SLC4A4: variants seen among roughly 807,000 people sequenced by gnomAD.
SLC4A4 encodes electrogenic sodium bicarbonate cotransporter 1.
SLC4A4 carries 27 observed loss-of-function variants against 111.5 expected under a neutral mutation model. That is an observed-to-expected ratio of 0.24 (90% CI 0.18 to 0.33). The LOEUF (loss-of-function observed/expected upper bound fraction) is 0.33. SLC4A4 is among the 10% of genes least tolerant of loss of function. The pLI, the probability that SLC4A4 is intolerant of heterozygous loss-of-function variation, is 1.00. For synonymous variants in SLC4A4, 443 were observed against 463.4 expected (o/e 0.96, Z 0.57); for missense variants, 909 against 1,315.5 (o/e 0.69, Z 4.78).
At chr4:71,530,909 A>C (rs1733856722) in intron 16 of SLC4A4, among the ~76,000 whole-genome samples, 1 of 152,100 alleles carries the variant, frequency 6.6e-6, no homozygotes, top group Non-Finnish European at 1.5e-5. Flanking sequence ...CTGACTGCTC[A>C]CCCTGAGATA....
At chr4:71,537,459 A>G (rs1016171490) in intron 18 of SLC4A4, among the ~76,000 whole-genome samples, 1 of 150,292 alleles carries the variant, frequency 6.7e-6, no homozygotes, top group Admixed American at 6.7e-5. Flanking sequence ...ATAGAGAGAG[A>G]GAGAAAGAGA....
intron 1 of SLC4A4, among the ~76,000 whole-genome samples, chr4:71,227,865 C>A (rs544218585): frequency 6.6e-6 from 1 of 152,258 alleles, no homozygotes; most frequent in East Asian, 1.9e-4. Context: ...TTTTTCCTGT[C>A]TGTAACGGTA....
chr4:71,544,558 A>G (rs995954875), intron 18 of SLC4A4, among the ~76,000 whole-genome samples: 3 of 152,050 alleles, frequency 2.0e-5, no homozygotes, highest in Non-Finnish European at 4.4e-5. Flanking sequence ...GTATAGCCAG[A>G]ACCCAACCGC....
At chr4:71,353,464 A>G (rs547307976) in intron 5 of SLC4A4, among the ~76,000 whole-genome samples, 2 of 152,270 alleles carry the variant, frequency 1.3e-5, no homozygotes, top group East Asian at 1.9e-4. Flanking sequence ...AAAGAGTGTC[A>G]CTAGCTAAAA....
intron 3 of SLC4A4, among the ~76,000 whole-genome samples, chr4:71,298,940 G>T (rs1725009313): frequency 6.6e-6 from 1 of 152,068 alleles, no homozygotes; most frequent in South Asian, 2.1e-4. Context: ...GTTCTCTAGG[G>T]TTCAACTTTA....
chr4:71,299,046 C>T (rs1578782855), intron 3 of SLC4A4, among the ~76,000 whole-genome samples: 1 of 152,304 alleles, frequency 6.6e-6, no homozygotes, highest in East Asian at 1.9e-4. Flanking sequence ...TCTAGGTGTT[C>T]ATAATGTGAG....
chr4:71,497,453 TTA>T (rs764262368), intron 15 of SLC4A4, 46 bp from the exon 16 acceptor site: 6 of 1,504,342 alleles, frequency 4.0e-6, no homozygotes, highest in African/African-American at 2.8e-5. Context: ...AGGCTGCTTT[TTA>T]TATGTCAATG....
chr4:71,266,000 A>G (rs2149074039), intron 3 of SLC4A4, among the ~76,000 whole-genome samples: 1 of 152,310 alleles, frequency 6.6e-6, no homozygotes, highest in East Asian at 1.9e-4. Flanking sequence ...AAAGTATAAA[A>G]TTCAGTTTAT....
intron 2 of SLC4A4, among the ~76,000 whole-genome samples, chr4:71,169,072 G>A (rs1047644866): frequency 2.0e-5 from 3 of 151,938 alleles, no homozygotes; most frequent in African/African-American, 7.3e-5. Context: ...CGGCTGGAGT[G>A]CAATGGCACA....
chr4:71,531,575 A>G (rs996255745), intron 16 of SLC4A4, among the ~76,000 whole-genome samples: 2 of 152,002 alleles, frequency 1.3e-5, no homozygotes, highest in Non-Finnish European at 2.9e-5. Context: ...TATGAGATTT[A>G]TCTTACTCTG....
intron 1 of SLC4A4, among the ~76,000 whole-genome samples, chr4:71,223,629 C>T (rs1718881383): frequency 6.6e-6 from 1 of 152,122 alleles, no homozygotes; most frequent in South Asian, 2.1e-4. Context: ...AAGATGCTTG[C>T]ATGTGGGCCT....
chr4:71,352,066 T>G lies in SLC4A4; in HGVS notation c.550+1994T>G, dbSNP rs73826278. Among the ~76,000 whole-genome samples the G allele has an allele frequency of 8.0e-3, 1,211 of 152,214 alleles. 17 individuals carry two copies. Among genetic ancestry groups the G allele is most frequent in the African/African-American group, 0.026 (1,066 of 41,542 alleles). The stretch of plus-strand genomic sequence containing the variant: ...AAAAACAGAAGCAAGCAGAAAGAAT[T>G]ATTTTCTGGGCCATCTGTTCCATTG... On this transcript the variant is annotated intron_variant, in intron 5 of 25. Transcript: ENST00000264485.
chr4:71,468,966 A>G (rs899221574), intron 13 of SLC4A4, among the ~76,000 whole-genome samples: 1 of 152,006 alleles, frequency 6.6e-6, no homozygotes, highest in Admixed American at 6.6e-5. Flanking sequence ...CTGCATAATC[A>G]TGGATTTATT....
At position 71,535,303 on chromosome 4, in the gene SLC4A4, GA is replaced by G. The variant is rs556613577; in HGVS notation, c.2442+917del. Among the ~76,000 whole-genome samples the G allele has an allele frequency of 1.2e-4, 18 of 152,234 alleles. No individual in the cohort carries two copies. In the South Asian group the frequency reaches 3.7e-3, roughly 32 times the overall value. On this transcript the variant is annotated intron_variant, in intron 18 of 25. Coordinates refer to ENST00000264485, the MANE Select transcript of SLC4A4 (RefSeq NM_001098484.3). The stretch of plus-strand genomic sequence containing the variant: ...AGGAAAAATATTCAGGAAATATAAA[GA>G]ATTGGCTGACTACAGAAACCCATTG...
intron 3 of SLC4A4, among the ~76,000 whole-genome samples, chr4:71,330,960 G>A (rs1727930505): frequency 6.6e-6 from 1 of 152,134 alleles, no homozygotes; most frequent in Non-Finnish European, 1.5e-5. Context: ...CATTTATGCA[G>A]CCAACAGGCA....
At chr4:71,215,162 T>C (rs368137157) in intron 1 of SLC4A4, among the ~76,000 whole-genome samples, 37 of 152,222 alleles carry the variant, frequency 2.4e-4, no homozygotes, top group African/African-American at 8.7e-4. Context: ...CAAATGTCAT[T>C]TAGTCCATCC....
chr4:71,207,050 A>G (rs1375736630), intron 1 of SLC4A4, among the ~76,000 whole-genome samples: 2 of 152,162 alleles, frequency 1.3e-5, no homozygotes, highest in African/African-American at 4.8e-5. Flanking sequence ...TAATCTTATA[A>G]GGTTGTAATG....
chr4:71,528,048 G>A lies in SLC4A4; in HGVS notation c.2167-4014G>A, dbSNP rs528779196. Among the ~76,000 whole-genome samples the A allele has an allele frequency of 2.6e-5, 4 of 152,194 alleles. No individual in the cohort carries two copies. In the East Asian group the frequency reaches 7.7e-4, roughly 29 times the overall value. On this transcript the variant is annotated intron_variant, in intron 16 of 25. Coordinates refer to ENST00000264485, the MANE Select transcript of SLC4A4 (RefSeq NM_001098484.3). Reference sequence around the variant, plus strand: ...GATGCAAGTCAGGTCTGCTAGATCTGATTTCCAAAATGTCTTCAGAATGCC... The same window carrying A: ...GATGCAAGTCAGGTCTGCTAGATCTAATTTCCAAAATGTCTTCAGAATGCC...
chr4:71,526,418 G>A (rs1242103909), intron 16 of SLC4A4, among the ~76,000 whole-genome samples: 1 of 152,000 alleles, frequency 6.6e-6, no homozygotes, highest in Non-Finnish European at 1.5e-5. Flanking sequence ...ACTATTAATA[G>A]GGTGGCTTTT....
Sources: allele counts gnomAD v4.1 joint callset (sites outside exome capture counted in the v4.1 genomes callset), GRCh38; gene constraint gnomAD v4.1.1; transcripts MANE v1.5; gene names NCBI Gene and HGNC (gene_info 2026-07-23, HGNC 2026-07-21).